The following ROBO1 variants were observed in gnomAD, a reference collection of about 807,000 sequenced individuals.
The protein encoded by ROBO1 is roundabout homolog 1.
In ROBO1, 149 loss-of-function variants were observed where a neutral mutation model predicts 195.9. The ratio of observed to expected loss-of-function variants is 0.76; its 90% CI spans 0.67 to 0.87. The LOEUF (loss-of-function observed/expected upper bound fraction) is 0.87. Ranked by LOEUF, ROBO1 falls within the 40% of genes least tolerant of loss-of-function variation. The probability of loss-of-function intolerance (pLI) is 0.00; values close to 1 mark genes in which losing one functional copy is unlikely to be tolerated. For synonymous variants in ROBO1, 816 were observed against 733.2 expected (o/e 1.11, Z -1.82); for missense variants, 1,933 against 2,068.3 (o/e 0.93, Z 1.27).
chr3:79,266,893 C>A (rs1428194498), intron 2 of ROBO1, among the ~76,000 whole-genome samples: 2 of 151,618 alleles, frequency 1.3e-5, no homozygotes, highest in Non-Finnish European at 3.0e-5. Flanking sequence ...ATTTAAAAAT[C>A]TGCTCTCCCA....
chr3:79,746,834 C>T (rs1013349890), intron 1 of ROBO1, among the ~76,000 whole-genome samples: 1 of 152,028 alleles, frequency 6.6e-6, no homozygotes, highest in African/African-American at 2.4e-5. Flanking sequence ...TGATAGCTTA[C>T]ATTTGCATAA....
In ROBO1 at chr3:79,629,453, C is replaced by T. The variant is rs561842460; in HGVS notation, c.-50-39492G>A. ...AAACATTTTAAAATGAATGAAAATACAGATATAACATACCGAAACCTCGGG... is the reference window on the plus strand; with the variant it reads ...AAACATTTTAAAATGAATGAAAATATAGATATAACATACCGAAACCTCGGG... On this transcript the variant is annotated intron_variant, in intron 1 of 30. Transcript: ENST00000464233. Among the ~76,000 whole-genome samples, 181 of 151,880 alleles carry T rather than the reference C, an allele frequency of 1.2e-3. 3 individuals carry two copies. The highest frequency in any genetic ancestry group is 5.6e-4 in the Non-Finnish European group (38 of 67,848).
chr3:78,712,204 A>G (rs577005914), intron 8 of ROBO1, among the ~76,000 whole-genome samples: 2 of 152,268 alleles, frequency 1.3e-5, no homozygotes, highest in East Asian at 3.9e-4. Context: ...GATCAAAATT[A>G]AATACTCATT....
At chr3:78,784,661 A>C (rs12495127) in intron 4 of ROBO1, among the ~76,000 whole-genome samples, 53,849 of 151,978 alleles carry the variant, frequency 0.35, 10,561 homozygotes, top group South Asian at 0.5. Flanking sequence ...GAATAAAATA[A>C]ATGTATATTT....
chr3:78,672,260 C>CA (rs34159773), intron 10 of ROBO1, among the ~76,000 whole-genome samples: 3 of 135,470 alleles, frequency 2.2e-5, no homozygotes, highest in South Asian at 4.8e-4. Context: ...ACAACAACAA[C>CA]AAAAAAAACT....
chr3:79,599,545 C>G (rs1944277759), intron 1 of ROBO1, among the ~76,000 whole-genome samples: 1 of 151,920 alleles, frequency 6.6e-6, no homozygotes, highest in African/African-American at 2.4e-5. Context: ...ACTAGTTTCT[C>G]TAGTGTAGCT....
intron 28 of ROBO1, among the ~76,000 whole-genome samples, chr3:78,610,423 G>T (rs1468656153): frequency 6.6e-6 from 1 of 152,142 alleles, no homozygotes; most frequent in Non-Finnish European, 1.5e-5. Flanking sequence ...CTGAGCCTGG[G>T]ATTGGCAACA....
intron 2 of ROBO1, among the ~76,000 whole-genome samples, chr3:79,528,140 T>TATGTAGTGTA (rs1941511476): frequency 6.6e-6 from 1 of 152,196 alleles, no homozygotes; most frequent in Non-Finnish European, 1.5e-5. Context: ...TAGAGCAGAT[T>TATGTAGTGTA]AATGAAGTGT....
At chr3:79,219,454 T>A (rs1406775151) in intron 2 of ROBO1, among the ~76,000 whole-genome samples, 1 of 152,028 alleles carries the variant, frequency 6.6e-6, no homozygotes, top group Non-Finnish European at 1.5e-5. Context: ...TCCCATTGTG[T>A]ATGTTAACAG....
At chr3:78,810,128 C>T (rs1204809288) in intron 4 of ROBO1, among the ~76,000 whole-genome samples, 3 of 152,120 alleles carry the variant, frequency 2.0e-5, no homozygotes, top group African/African-American at 4.8e-5. Flanking sequence ...GATTGCCTTT[C>T]GCAGCTACGT....
chr3:78,901,414 G>A (rs539543975), intron 4 of ROBO1, among the ~76,000 whole-genome samples: 70 of 152,084 alleles, frequency 4.6e-4, no homozygotes, highest in Non-Finnish European at 7.6e-4. Context: ...ATTTAATAAC[G>A]GATGGGAGTA....
At chr3:78,972,620 T>TA (rs2076793706) in intron 3 of ROBO1, among the ~76,000 whole-genome samples, 1 of 152,234 alleles carries the variant, frequency 6.6e-6, no homozygotes, top group South Asian at 2.1e-4. Flanking sequence ...AAAAGATTAT[T>TA]AAAATCATTC....
chr3:79,123,283 A>C (rs76942947), intron 3 of ROBO1, among the ~76,000 whole-genome samples: 2,821 of 151,970 alleles, frequency 0.019, 44 homozygotes, highest in Middle Eastern at 0.1. Context: ...CTATCTACTC[A>C]ATTATCTGTG....
intron 4 of ROBO1, among the ~76,000 whole-genome samples, chr3:78,779,405 T>C (rs1391554575): frequency 2.0e-5 from 3 of 151,850 alleles, no homozygotes; most frequent in Non-Finnish European, 4.4e-5. Flanking sequence ...TACACAAACT[T>C]ACAAGAAAAA....
intron 2 of ROBO1, among the ~76,000 whole-genome samples, chr3:79,126,708 A>T (rs1305662114): frequency 3.3e-5 from 5 of 152,318 alleles, no homozygotes; most frequent in Non-Finnish European, 4.4e-5. Context: ...AGAAGCGCAG[A>T]TGTTTACTTG....
intron 3 of ROBO1, among the ~76,000 whole-genome samples, chr3:79,051,712 G>A (rs2078702794): frequency 6.6e-6 from 1 of 152,120 alleles, no homozygotes; most frequent in East Asian, 1.9e-4. Context: ...TGAAGCCATG[G>A]CAGAAGAACA....
At chr3:79,344,106 T>C (rs1011996183) in intron 2 of ROBO1, among the ~76,000 whole-genome samples, 29 of 152,136 alleles carry the variant, frequency 1.9e-4, no homozygotes, top group African/African-American at 6.3e-4. Flanking sequence ...AAACTGTTCA[T>C]AGAGGGATGG....
At chr3:79,693,566 G>A (rs1947357730) in intron 1 of ROBO1, among the ~76,000 whole-genome samples, 1 of 151,552 alleles carries the variant, frequency 6.6e-6, no homozygotes, top group African/African-American at 2.4e-5. Context: ...CAAGTAGGTA[G>A]GGCTACAGTT....
chr3:78,765,024 C>A (rs2083195031), intron 4 of ROBO1, among the ~76,000 whole-genome samples: 1 of 152,006 alleles, frequency 6.6e-6, no homozygotes, highest in Non-Finnish European at 1.5e-5. Context: ...AATCAATACA[C>A]ATTTTAGACT....
Sources: gnomAD v4.1 joint callset for allele counts (sites outside exome capture counted in the v4.1 genomes callset) on GRCh38, gnomAD v4.1.1 for gene constraint, MANE v1.5 for transcripts, NCBI Gene and HGNC (gene_info 2026-07-23, HGNC 2026-07-21) for gene names.